SCN3A: variants seen among roughly 807,000 people sequenced by gnomAD.
SCN3A encodes sodium channel protein type 3 subunit alpha.
SCN3A carries 60 observed loss-of-function variants against 187.6 expected under a neutral mutation model. That is an observed-to-expected ratio of 0.32 (90% confidence interval 0.26 to 0.40). SCN3A has a LOEUF of 0.40. Among genes scored for constraint, SCN3A ranks in the 10% least tolerant of loss-of-function variants. The probability of loss-of-function intolerance (pLI) is 1.00; values close to 1 mark genes in which losing one functional copy is unlikely to be tolerated. For missense variants in SCN3A, 1,601 were observed against 2,428.2 expected (o/e 0.66, Z 7.16); for synonymous variants, 788 against 829.2 (o/e 0.95, Z 0.85).
At chr2:165,188,280 G>C (rs1286226998) in intron 1 of SCN3A, among the ~76,000 whole-genome samples, 1 of 152,078 alleles carries the variant, frequency 6.6e-6, no homozygotes, top group Non-Finnish European at 1.5e-5. Flanking sequence ...AAAGAGGAGA[G>C]AGTATTTTTT....
rs971984730 is a variant in SCN3A at position 165,088,644 on chromosome 2, A to G, written c.*1506T>C. 34 of 152,682 alleles carry G rather than the reference A, an allele frequency of 2.2e-4. No homozygotes were observed. Among genetic ancestry groups the G allele is most frequent in the Non-Finnish European group, 4.6e-4 (31 of 67,960 alleles). 9.5% of individuals were successfully genotyped at this position (152,682 alleles called of 1,614,324 possible). On this transcript the variant is annotated 3_prime_UTR_variant, in exon 28 of 28. Coordinates refer to ENST00000283254, the MANE Select transcript of SCN3A (RefSeq NM_006922.4). ...TCCATTGAAAAATCTTATGGATTCA[A>G]AAGTTTGGAATTGTGATTAAAAATC... is the stretch of plus-strand genomic sequence containing the variant.
At chr2:165,123,026 C>T (rs751422054) in intron 18 of SCN3A, 1 of 152,020 alleles carries the variant, frequency 6.6e-6, no homozygotes, top group African/African-American at 2.4e-5. Flanking sequence ...GGAAGACAAA[C>T]CAATAATCTT....
intron 12 of SCN3A, among the ~76,000 whole-genome samples, chr2:165,145,037 T>C (rs1688236316): frequency 6.6e-6 from 1 of 152,174 alleles, no homozygotes; most frequent in Non-Finnish European, 1.5e-5. Flanking sequence ...CATTCACCGA[T>C]TTTAACTTAA....
At chr2:165,171,896 A>G (rs1405159536) in intron 3 of SCN3A, among the ~76,000 whole-genome samples, 1 of 152,114 alleles carries the variant, frequency 6.6e-6, no homozygotes, top group Non-Finnish European at 1.5e-5. Context: ...GTTTGCAAAT[A>G]AACACTTGTT....
intron 18 of SCN3A, among the ~76,000 whole-genome samples, chr2:165,120,747 AGT>A (rs1430408557): frequency 6.6e-6 from 1 of 151,822 alleles, no homozygotes; most frequent in Non-Finnish European, 1.5e-5. Context: ...ACAGCCACAC[AGT>A]GAAGCCATTG....
chr2:165,139,717 T>C, intron 13 of SCN3A, 109 bp from the exon 14 acceptor site: 2 of 1,370,288 alleles, frequency 1.5e-6, no homozygotes, highest in Non-Finnish European at 2.1e-6. Flanking sequence ...CAGGTAAGAA[T>C]TTTCAAGGAA....
At chr2:165,115,376 T>A (rs921904002) in intron 19 of SCN3A, 79 bp downstream of exon 19, 1 of 1,591,548 alleles carries the variant, frequency 6.3e-7, no homozygotes, top group African/African-American at 1.3e-5. Context: ...TTCATAAATT[T>A]TTTTTTTTAA....
Position 165,112,817 on chromosome 2 carries a change from G to A in SCN3A, c.3843+68C>T, listed in dbSNP as rs1686185233. On this transcript the variant is annotated intron_variant, in intron 21 of 27. Coordinates refer to ENST00000283254, the MANE Select transcript of SCN3A (RefSeq NM_006922.4). ...ATTATTAGTGAAAGTTTTAATAACAGAAACATATGAAATGTCAAACTTGCC... is the reference window on the plus strand; with the variant it reads ...ATTATTAGTGAAAGTTTTAATAACAAAAACATATGAAATGTCAAACTTGCC... 3.7e-6 allele frequency: 5 copies of A among 1,364,820 alleles called. No homozygotes were observed. The Admixed American group carries it at 5.2e-5, about 14-fold the overall frequency. 84.5% of individuals were successfully genotyped at this position (1,364,820 alleles called of 1,614,324 possible).
intron 15 of SCN3A, among the ~76,000 whole-genome samples, chr2:165,136,850 A>G (rs948277088): frequency 8.5e-5 from 13 of 152,180 alleles, no homozygotes; most frequent in Non-Finnish European, 5.9e-5. Flanking sequence ...CAATTATCCA[A>G]TTGTCCACCA....
At chr2:165,195,864 A>G (rs1691916556) in intron 1 of SCN3A, among the ~76,000 whole-genome samples, 1 of 152,022 alleles carries the variant, frequency 6.6e-6, no homozygotes, top group South Asian at 2.1e-4. Context: ...CTGCATCTTG[A>G]TTTGGATGTG....
intron 1 of SCN3A, among the ~76,000 whole-genome samples, chr2:165,202,257 T>C (rs1031949575): frequency 2.0e-5 from 3 of 152,058 alleles, no homozygotes; most frequent in African/African-American, 7.2e-5. Context: ...CGACCACATG[T>C]ATAGATGAAT....
At chr2:165,190,693 C>T (rs909151365) in intron 1 of SCN3A, among the ~76,000 whole-genome samples, 3 of 150,002 alleles carry the variant, frequency 2.0e-5, no homozygotes, top group Non-Finnish European at 4.4e-5. Flanking sequence ...ATTTAAAAGG[C>T]TTTTTCATTC....
chr2:165,165,289 G>A (rs1442175342), intron 5 of SCN3A, among the ~76,000 whole-genome samples: 3 of 150,994 alleles, frequency 2.0e-5, no homozygotes, highest in East Asian at 1.9e-4. Flanking sequence ...GTATAGAGAT[G>A]TGTGTGTGTG....
intron 1 of SCN3A, among the ~76,000 whole-genome samples, chr2:165,194,558 G>GATAA (rs3029644): frequency 0.37 from 56,343 of 151,438 alleles, 12,701 homozygotes; most frequent in African/African-American, 0.63. Context: ...ACTGTTTCTT[G>GATAA]ATAAATAATA....
intron 21 of SCN3A, among the ~76,000 whole-genome samples, chr2:165,104,827 T>C (rs1685768842): frequency 6.6e-6 from 1 of 152,154 alleles, no homozygotes; most frequent in African/African-American, 2.4e-5. Flanking sequence ...CTTTCTAAAC[T>C]TTTACTATAT....
chr2:165,197,579 T>C (rs1038871432), intron 1 of SCN3A, among the ~76,000 whole-genome samples: 4 of 147,796 alleles, frequency 2.7e-5, no homozygotes, highest in African/African-American at 1.0e-4. Flanking sequence ...TCTTTCTCTT[T>C]AGCTGTGTTT....
chr2:165,182,793 T>C (rs1294585729), intron 2 of SCN3A, among the ~76,000 whole-genome samples: 1 of 152,050 alleles, frequency 6.6e-6, no homozygotes, highest in East Asian at 1.9e-4. Flanking sequence ...GAAAGCTGTC[T>C]GGGCTCGGGT....
At chr2:165,142,165 C>CATACAT (rs1236267622) in intron 12 of SCN3A, among the ~76,000 whole-genome samples, 2 of 152,156 alleles carry the variant, frequency 1.3e-5, no homozygotes, top group African/African-American at 2.4e-5. Context: ...AATATACATA[C>CATACAT]ATACATATAC....
In SCN3A at chr2:165,152,895, A is replaced by G. The variant is rs148042067; in HGVS notation, c.1380+1557T>C. Among the ~76,000 whole-genome samples, 193 of 152,102 alleles carry G rather than the reference A, an allele frequency of 1.3e-3. 1 individual carries two copies. In the East Asian group the frequency reaches 0.03, roughly 24 times the overall value. ...TGTAACAAACCTGCATGTTGTGCACATGTACCCTAGAACTTAAAGTATAAT... is the reference window on the plus strand; with the variant it reads ...TGTAACAAACCTGCATGTTGTGCACGTGTACCCTAGAACTTAAAGTATAAT... On this transcript the variant is annotated intron_variant, in intron 11 of 27. Coordinates refer to ENST00000283254, the MANE Select transcript of SCN3A (RefSeq NM_006922.4).
Sources: gnomAD v4.1 joint callset for allele counts (sites outside exome capture counted in the v4.1 genomes callset) on GRCh38, gnomAD v4.1.1 for gene constraint, MANE v1.5 for transcripts, NCBI Gene and HGNC (gene_info 2026-07-23, HGNC 2026-07-21) for gene names.